Variants in CCDC38 observed in about 807,000 individuals in gnomAD.
The protein encoded by CCDC38 is coiled-coil domain containing 38.
Under a neutral mutation model 72.8 loss-of-function variants are expected in CCDC38, and 69 were observed. That is an observed-to-expected ratio of 0.95 (90% CI 0.78 to 1.16). The LOEUF (loss-of-function observed/expected upper bound fraction) is 1.16. CCDC38 is among the 50% of genes most tolerant of loss of function. The pLI is 0.00. For missense variants in CCDC38, 626 were observed against 638.9 expected, an observed-to-expected ratio of 0.98 and a Z score of 0.22; for synonymous variants, 201 against 213.2, an observed-to-expected ratio of 0.94 and a Z score of 0.50.
intron 4 of CCDC38, among the ~76,000 whole-genome samples, chr12:95,915,023 G>A (rs17370758): frequency 0.015 from 2,355 of 152,112 alleles, 26 homozygotes; most frequent in Middle Eastern, 0.031. Flanking sequence ...ATTTCTGATG[G>A]GTCAGCCAAA....
intron 9 of CCDC38, 116 bp from the exon 10 acceptor site, chr12:95,888,622 G>T (rs1029187099): frequency 1.2e-6 from 1 of 806,586 alleles, no homozygotes; most frequent in Non-Finnish European, 2.1e-6. Flanking sequence ...TTTCTGCACA[G>T]ACATGCCCAT....
chr12:95,899,556 C>T (rs1329764446), intron 5 of CCDC38, among the ~76,000 whole-genome samples: 1 of 152,194 alleles, frequency 6.6e-6, no homozygotes, highest in Admixed American at 6.5e-5. Flanking sequence ...GCCTTGGCCT[C>T]CCAAAGTGCT....
intron 10 of CCDC38, among the ~76,000 whole-genome samples, chr12:95,887,045 C>T (rs1234755155): frequency 2.6e-5 from 4 of 152,060 alleles, no homozygotes; most frequent in Non-Finnish European, 5.9e-5. Flanking sequence ...ATTAGCTGGG[C>T]GTAGTGGCAG....
In CCDC38 at chr12:95,881,494, G is replaced by C. The variant is rs777956188; in HGVS notation, c.981C>G (p.Asp327Glu). 1 of 1,605,840 alleles carries C rather than the reference G, an allele frequency of 6.2e-7. No individual in the cohort carries two copies. Among genetic ancestry groups the C allele is most frequent in the Non-Finnish European group, 8.5e-7 (1 of 1,175,596 alleles). The part of the protein sequence containing the change: ...SLEFLLDDEM[D>E]VDLEPALYFK... ...AATATAATCTGGTTACCAAATCAAC[G>C]TCCATTTCATCATCTAAAAGGAATT... is the stretch of plus-strand genomic sequence containing the variant. Residue 327 changes from aspartate (D) to glutamate (E), a missense_variant, in exon 11 of 16, where the codon GAC (aspartate) becomes GAG (glutamate). Transcript: ENST00000344280.
At chr12:95,886,572 A>C (rs541735818) in intron 10 of CCDC38, among the ~76,000 whole-genome samples, 19 of 152,336 alleles carry the variant, frequency 1.2e-4, no homozygotes, top group African/African-American at 4.3e-4. Context: ...CATATCCCCA[A>C]AGGACTAGTA....
chr12:95,928,611 C>T (rs1249580461), intron 2 of CCDC38, among the ~76,000 whole-genome samples: 4 of 152,202 alleles, frequency 2.6e-5, no homozygotes, highest in African/African-American at 7.2e-5. Context: ...GGAGGAGAGG[C>T]GCTCTGCTTT....
chr12:95,939,379 G>A (rs1408565285), intron 1 of CCDC38, among the ~76,000 whole-genome samples: 1 of 152,178 alleles, frequency 6.6e-6, no homozygotes, highest in African/African-American at 2.4e-5. Flanking sequence ...GAATCACTCT[G>A]ATGCTGAGCT....
chr12:95,897,930 C>T (rs770694783), intron 7 of CCDC38, among the ~76,000 whole-genome samples: 2 of 151,812 alleles, frequency 1.3e-5, no homozygotes, highest in East Asian at 3.9e-4. Flanking sequence ...ACTATGTAAG[C>T]GTAAATATAA....
At chr12:95,935,481 GC>G in intron 2 of CCDC38, 1 of 256,390 alleles carries the variant, frequency 3.9e-6, no homozygotes, top group Non-Finnish European at 8.2e-6. Context: ...AAGGAGTTGG[GC>G]CCCTGATGTG....
rs781382330 is a variant in CCDC38 at position 95,867,062 on chromosome 12, C to T, written c.*14G>A. 6 of 1,374,322 alleles carry T rather than the reference C, an allele frequency of 4.4e-6. No individual in the cohort carries two copies. The South Asian group carries it at 7.2e-5, about 17-fold the overall frequency. The allele number at this position is 1,374,322 out of a possible 1,614,324, so 85.1% of individuals were successfully genotyped here. ...CTAAGACATTCTGGTAATAAAATGT[C>T]TTACTGCTTTTATTCAAGTAAAAAA... On this transcript the variant is annotated 3_prime_UTR_variant, in exon 16 of 16. Coordinates refer to ENST00000344280, the MANE Select transcript of CCDC38 (RefSeq NM_182496.3).
At chr12:95,936,345 G>A in intron 2 of CCDC38, 128 bp downstream of exon 2, 2 of 770,884 alleles carry the variant, frequency 2.6e-6, no homozygotes, top group South Asian at 2.8e-5. Flanking sequence ...CTTCTCTGCA[G>A]GTAGTTTATA....
Position 95,872,250 on chromosome 12 carries a change from T to A in CCDC38, c.1484+5A>T. ...TTAAGTCATTCTTATCCTTATTGAC[T>A]GTACTTTTGCCGCCATTCTTTCTGT... On this transcript the variant is annotated splice_donor_5th_base_variant and intron_variant, in intron 14 of 15. Transcript: ENST00000344280. 6.2e-7 allele frequency: 1 copy of A among 1,613,966 alleles called. No individual in the cohort carries two copies.
intron 4 of CCDC38, among the ~76,000 whole-genome samples, chr12:95,907,648 G>A (rs1465739433): frequency 2.5e-5 from 3 of 122,148 alleles, no homozygotes; most frequent in African/African-American, 9.0e-5. Flanking sequence ...CCCAGACGGG[G>A]TGGCTGCCGG....
At chr12:95,878,458 A>T (rs2079661368) in intron 12 of CCDC38, 112 bp from the exon 13 acceptor site, 1 of 1,038,836 alleles carries the variant, frequency 9.6e-7, no homozygotes, top group Non-Finnish European at 1.4e-6. Context: ...GTAGTGAGCC[A>T]AATACAAGTC....
chr12:95,874,723 T>C (rs1023464725), intron 13 of CCDC38, among the ~76,000 whole-genome samples: 3 of 150,350 alleles, frequency 2.0e-5, no homozygotes, highest in South Asian at 2.1e-4. Context: ...ACAGGAATTA[T>C]GGAAGACTGA....
intron 11 of CCDC38, among the ~76,000 whole-genome samples, chr12:95,881,008 C>T (rs1223195894): frequency 6.7e-6 from 1 of 150,138 alleles, no homozygotes; most frequent in Non-Finnish European, 1.5e-5. Context: ...AAAAAGATGA[C>T]TTGGATAAGG....
At chr12:95,906,784 T>TC (rs397956007) in intron 4 of CCDC38, among the ~76,000 whole-genome samples, 1 of 146,180 alleles carries the variant, frequency 6.8e-6, no homozygotes, top group African/African-American at 2.5e-5. Flanking sequence ...TTTTTTTTTT[T>TC]CCAATCAAGA....
chr12:95,930,588 C>A (rs1264402245), intron 2 of CCDC38, among the ~76,000 whole-genome samples: 1 of 152,136 alleles, frequency 6.6e-6, no homozygotes, highest in Non-Finnish European at 1.5e-5. Context: ...AAGATCTCAT[C>A]TTGAGATCCT....
rs191354622 is a variant in CCDC38, at chr12:95,876,487, C to T, written c.1278+1724G>A. On this transcript the variant is annotated intron_variant, in intron 13 of 15. Transcript: ENST00000344280. Reference sequence around the variant, plus strand: ...GGAAATAGTGGTGATGGTTCCACAACATTGAGAATGTACTTAATGCCATTG... The same window carrying T: ...GGAAATAGTGGTGATGGTTCCACAATATTGAGAATGTACTTAATGCCATTG... Among the ~76,000 whole-genome samples, 15 of 152,202 alleles carry T rather than the reference C, an allele frequency of 9.9e-5. No individual in the cohort carries two copies. The East Asian group carries it at 2.7e-3, about 27-fold the overall frequency.
Sources: allele counts gnomAD v4.1 joint callset (sites outside exome capture counted in the v4.1 genomes callset), GRCh38; gene constraint gnomAD v4.1.1; transcripts MANE v1.5; gene names NCBI Gene and HGNC (gene_info 2026-07-23, HGNC 2026-07-21).